Variants in CTNNA3 observed in about 807,000 individuals in gnomAD.
The protein encoded by CTNNA3 is catenin alpha-3.
A neutral mutation model predicts 95.7 loss-of-function variants in CTNNA3; 76 were observed. The ratio of observed to expected loss-of-function variants is 0.79; its 90% CI spans 0.66 to 0.96. CTNNA3 has a LOEUF of 0.96. CTNNA3 is among the 40% of genes least tolerant of loss of function. CTNNA3 has a pLI of 0.00. For missense variants in CTNNA3, 1,191 were observed against 1,089.8 expected, an observed-to-expected ratio of 1.09 and a Z score of -1.31; for synonymous variants, 431 against 374.4, an observed-to-expected ratio of 1.15 and a Z score of -1.74.
At chr10:66,236,906 A>G (rs1382730019) in intron 13 of CTNNA3, among the ~76,000 whole-genome samples, 4 of 152,108 alleles carry the variant, frequency 2.6e-5, no homozygotes, top group African/African-American at 9.6e-5. Context: ...TTTGAGCCCA[A>G]GAGTTCGAGA....
intron 7 of CTNNA3, among the ~76,000 whole-genome samples, chr10:67,047,654 GAAAT>G (rs1854837897): frequency 6.6e-6 from 1 of 151,838 alleles, no homozygotes; most frequent in African/African-American, 2.4e-5. Context: ...ATATATTTAT[GAAAT>G]AAATTCACAT....
Position 66,309,993 on chromosome 10 carries a change from G to A in CTNNA3, c.1733-29372C>T, listed in dbSNP as rs139371631. 6.0e-3 allele frequency among the ~76,000 whole-genome samples: 904 copies of A among 151,136 alleles called. 4 individuals are homozygous for A. Among genetic ancestry groups the A allele is most frequent in the Non-Finnish European group, 8.1e-3 (548 of 67,744 alleles). On this transcript the variant is annotated intron_variant, in intron 12 of 17. Transcript: ENST00000433211. ...AAATAAATTAGCTAGGCGTGGTGGT[G>A]AGAGCCTGTAATCCCAGCTACTTGG...
chr10:65,950,324 C>T (rs2077588416), intron 17 of CTNNA3, among the ~76,000 whole-genome samples: 1 of 152,162 alleles, frequency 6.6e-6, no homozygotes, highest in South Asian at 2.1e-4. Context: ...CATCTGCTTT[C>T]AGTTCTGCCT....
At chr10:67,127,878 C>CTG (rs34919848) in intron 7 of CTNNA3, among the ~76,000 whole-genome samples, 54,565 of 151,176 alleles carry the variant, frequency 0.36, 10,131 homozygotes, top group Middle Eastern at 0.6. Flanking sequence ...GTGTGTGTGT[C>CTG]TGTGTGTGTG....
intron 11 of CTNNA3, among the ~76,000 whole-genome samples, chr10:66,496,043 A>G (rs1361525913): frequency 2.6e-5 from 4 of 152,182 alleles, no homozygotes; most frequent in Non-Finnish European, 5.9e-5. Flanking sequence ...CCTAACAACC[A>G]TATTAGCATA....
intron 7 of CTNNA3, among the ~76,000 whole-genome samples, chr10:67,056,904 GT>G (rs1229914136): frequency 3.3e-5 from 5 of 152,238 alleles, no homozygotes; most frequent in Non-Finnish European, 7.4e-5. Flanking sequence ...GGATTATGTG[GT>G]GGCCTGAGTG....
intron 9 of CTNNA3, among the ~76,000 whole-genome samples, chr10:66,669,472 G>A (rs531913571): frequency 1.3e-5 from 2 of 151,242 alleles, no homozygotes; most frequent in Non-Finnish European, 1.5e-5. Context: ...GAACCGGGAG[G>A]CAGAGGTTGC....
chr10:66,945,451 G>C (rs1049735840), intron 7 of CTNNA3, among the ~76,000 whole-genome samples: 1 of 152,130 alleles, frequency 6.6e-6, no homozygotes, highest in Non-Finnish European at 1.5e-5. Context: ...AAAGGATCTA[G>C]GGCTTTACTC....
intron 7 of CTNNA3, among the ~76,000 whole-genome samples, chr10:66,889,788 A>T (rs987116092): frequency 7.3e-5 from 10 of 137,578 alleles, no homozygotes; most frequent in Non-Finnish European, 1.3e-4. Context: ...GGAACCACAG[A>T]CCTTTTTTTT....
At chr10:66,199,816 T>TATAA (rs1564756780) in intron 13 of CTNNA3, among the ~76,000 whole-genome samples, 1 of 99,796 alleles carries the variant, frequency 1.0e-5, no homozygotes, top group African/African-American at 4.1e-5. Flanking sequence ...TTTTTTTTTT[T>TATAA]TTTTTTTTTT....
At chr10:66,407,249 A>G (rs1050413542) in intron 11 of CTNNA3, among the ~76,000 whole-genome samples, 3 of 150,970 alleles carry the variant, frequency 2.0e-5, no homozygotes, top group African/African-American at 7.3e-5. Context: ...TCAATTCATC[A>G]TTTTTATTAT....
intron 7 of CTNNA3, among the ~76,000 whole-genome samples, chr10:66,810,937 A>ATT (rs751905116): frequency 5.3e-5 from 8 of 152,114 alleles, no homozygotes; most frequent in Non-Finnish European, 1.2e-4. Flanking sequence ...CCCTGTCTTC[A>ATT]TTTCATCTCT....
chr10:67,319,644 G>A (rs1443896609), intron 5 of CTNNA3, among the ~76,000 whole-genome samples: 8 of 152,016 alleles, frequency 5.3e-5, no homozygotes, highest in South Asian at 2.1e-4. Flanking sequence ...ACCTGTAATC[G>A]CAACACTTTG....
chr10:66,807,500 C>T (rs1841702944), intron 7 of CTNNA3, among the ~76,000 whole-genome samples: 1 of 152,096 alleles, frequency 6.6e-6, no homozygotes, highest in Non-Finnish European at 1.5e-5. Context: ...GTGTCCTCTT[C>T]GTTTGTTGCA....
intron 14 of CTNNA3, among the ~76,000 whole-genome samples, chr10:66,078,540 G>A (rs1417645553): frequency 2.0e-5 from 3 of 151,800 alleles, no homozygotes; most frequent in Non-Finnish European, 2.9e-5. Flanking sequence ...AAAGACCAAA[G>A]TTGTAATAGA....
At chr10:67,581,464 T>A (rs1157708592) in intron 3 of CTNNA3, among the ~76,000 whole-genome samples, 1 of 152,234 alleles carries the variant, frequency 6.6e-6, no homozygotes, top group South Asian at 2.1e-4. Flanking sequence ...GTTTCACCCT[T>A]ATTTTATTGA....
At chr10:66,772,753 T>C (rs1840145918) in intron 8 of CTNNA3, among the ~76,000 whole-genome samples, 1 of 152,180 alleles carries the variant, frequency 6.6e-6, no homozygotes, top group African/African-American at 2.4e-5. Context: ...TCATTCCTCT[T>C]GGAAGAAATC....
At chr10:66,254,459 C>G (rs2090681102) in intron 13 of CTNNA3, among the ~76,000 whole-genome samples, 1 of 152,156 alleles carries the variant, frequency 6.6e-6, no homozygotes, top group South Asian at 2.1e-4. Context: ...CCCTTAAGCT[C>G]CCACTTTAAA....
At chr10:67,652,038 TG>T (rs1312565284) in intron 1 of CTNNA3, among the ~76,000 whole-genome samples, 5 of 152,240 alleles carry the variant, frequency 3.3e-5, no homozygotes, top group African/African-American at 1.2e-4. Context: ...TTCTGGAGGC[TG>T]GGAAGTCCTA....
Sources: allele counts gnomAD v4.1 joint callset (sites outside exome capture counted in the v4.1 genomes callset), GRCh38; gene constraint gnomAD v4.1.1; transcripts MANE v1.5; gene names NCBI Gene and HGNC (gene_info 2026-07-23, HGNC 2026-07-21).